MAP3K3: variants seen among roughly 807,000 people sequenced by gnomAD.
The protein encoded by MAP3K3 is mitogen-activated protein kinase kinase kinase 3.
Under a neutral mutation model 80.9 loss-of-function variants are expected in MAP3K3, and 12 were observed. That is an observed-to-expected ratio of 0.15 (90% CI 0.10 to 0.24). The LOEUF (loss-of-function observed/expected upper bound fraction) is 0.24, where lower values mean the gene tolerates loss of function less well. Ranked by LOEUF, MAP3K3 falls within the 10% of genes least tolerant of loss-of-function variation. The pLI is 1.00. For missense variants in MAP3K3, 596 were observed against 834.7 expected (o/e 0.71, Z 3.52); for synonymous variants, 272 against 307.1 (o/e 0.89, Z 1.19).
Position 63,691,236 on chromosome 17 carries a change from A to G in MAP3K3, c.1344+3A>G, listed in dbSNP as rs2035583518. ...TCTTCATGGAGTACATGCCAGGGGT[A>G]CGTGCCCCTTGAATGCATGTGAGAC... is the stretch of plus-strand genomic sequence containing the variant. On this transcript the variant is annotated splice_donor_region_variant and intron_variant, in intron 13 of 15. Coordinates refer to ENST00000361733, the MANE Select transcript of MAP3K3 (RefSeq NM_002401.5). This position sits in a 1 kb window ranked among gnomAD's most constrained non-coding sequence, Gnocchi z 4.8. The G allele has an allele frequency of 1.9e-6, 3 of 1,613,982 alleles. No individual in the cohort carries two copies. The highest frequency in any genetic ancestry group is 2.5e-6 in the Non-Finnish European group (3 of 1,180,024).
At position 63,694,084 on chromosome 17, in the gene MAP3K3, T is replaced by C; in HGVS notation, c.*307T>C. 1 of 314,472 alleles carries C rather than the reference T, an allele frequency of 3.2e-6. No homozygotes were observed. The highest frequency in any genetic ancestry group is 5.9e-6 in the Non-Finnish European group (1 of 170,196). The allele number at this position is 314,472 out of a possible 1,614,324, so 19.5% of individuals were successfully genotyped here. ...GGGCCCCACCCTCGGGGATGTGTCCTGACACTGCAATTGGCACCGAAGCCC... is the reference window on the plus strand; with the variant it reads ...GGGCCCCACCCTCGGGGATGTGTCCCGACACTGCAATTGGCACCGAAGCCC... On this transcript the variant is annotated 3_prime_UTR_variant, in exon 16 of 16. Transcript: ENST00000361733.
chr17:63,626,077 AAAACAAAAAAC>A (rs1365790218), intron 1 of MAP3K3, among the ~76,000 whole-genome samples: 3 of 152,232 alleles, frequency 2.0e-5, no homozygotes, highest in African/African-American at 7.2e-5. Flanking sequence ...CCCTGTCTCT[AAAACAAAAAAC>A]AAACAAAAAA....
In MAP3K3 at chr17:63,691,687, C is replaced by G. The variant is rs1249096953; in HGVS notation, c.1345-46C>G. ...GGGCTGGAATGGGCTTGCCCCTCCACCAGCCCTCCCCTGAGGGGACTCCTC... is the reference window on the plus strand; with the variant it reads ...GGGCTGGAATGGGCTTGCCCCTCCAGCAGCCCTCCCCTGAGGGGACTCCTC... On this transcript the variant is annotated intron_variant, in intron 13 of 15. Transcript: ENST00000361733. This position sits in a 1 kb window ranked among gnomAD's most constrained non-coding sequence, Gnocchi z 4.8. The G allele has an allele frequency of 6.3e-7, 1 of 1,592,930 alleles. No homozygotes were observed. Among genetic ancestry groups the G allele is most frequent in the Admixed American group, 1.7e-5 (1 of 59,094 alleles).
intron 1 of MAP3K3, among the ~76,000 whole-genome samples, chr17:63,622,965 C>T (rs1212496283): frequency 6.8e-6 from 1 of 147,660 alleles, no homozygotes; most frequent in African/African-American, 2.4e-5. Context: ...CGGGGCGGCC[C>T]GGCCGGCAGA....
chr17:63,654,934 C>G (rs1347921646), intron 4 of MAP3K3, among the ~76,000 whole-genome samples: 1 of 151,854 alleles, frequency 6.6e-6, no homozygotes, highest in Non-Finnish European at 1.5e-5. Context: ...TACTCAGGAG[C>G]CTGAGGCAGA....
In MAP3K3 at chr17:63,692,318, C is replaced by G; in HGVS notation, c.1551C>G (p.Ile517Met). 6.2e-7 allele frequency: 1 copy of G among 1,613,980 alleles called. No individual in the cohort carries two copies. The highest frequency in any genetic ancestry group is 8.5e-7 in the Non-Finnish European group (1 of 1,180,018). ...GGGCCAGCAAACGCCTGCAGACGAT[C>G]TGTATGTCGGGGACGGGCATGCGCT... ...DFGASKRLQT[I>M]CMSGTGMRSV... Residue 517 changes from isoleucine (I) to methionine (M), a missense_variant, in exon 15 of 16, where the codon ATC becomes ATG. By Grantham distance (10) the Ile-to-Met change is conservative. Transcript: ENST00000361733. The surrounding 1 kb of genome is among the most constrained non-coding windows in gnomAD (Gnocchi z 4.5).
chr17:63,641,406 C>T (rs1377686056), intron 2 of MAP3K3, among the ~76,000 whole-genome samples: 2 of 151,974 alleles, frequency 1.3e-5, no homozygotes, highest in Non-Finnish European at 2.9e-5. Flanking sequence ...CCACACCCGG[C>T]TAATTTTTGT....
chr17:63,683,629 C>T (rs752713759), intron 7 of MAP3K3, among the ~76,000 whole-genome samples: 1 of 152,140 alleles, frequency 6.6e-6, no homozygotes, highest in Non-Finnish European at 1.5e-5. Flanking sequence ...GCCTCTTTAG[C>T]TGAAGAGAAT....
chr17:63,677,517 A>G (rs1327137269), intron 6 of MAP3K3, among the ~76,000 whole-genome samples: 1 of 152,230 alleles, frequency 6.6e-6, no homozygotes, highest in Non-Finnish European at 1.5e-5. Context: ...TACAGTAGCA[A>G]GGGAAACAGC....
At chr17:63,652,146 C>T (rs2034669000) in intron 3 of MAP3K3, among the ~76,000 whole-genome samples, 1 of 152,114 alleles carries the variant, frequency 6.6e-6, no homozygotes, top group Non-Finnish European at 1.5e-5. Flanking sequence ...ATATATTAAG[C>T]CCAGTATGCA....
intron 4 of MAP3K3, among the ~76,000 whole-genome samples, chr17:63,653,875 T>C (rs939693848): frequency 6.6e-6 from 1 of 152,110 alleles, no homozygotes; most frequent in Non-Finnish European, 1.5e-5. Context: ...AACATTTTCT[T>C]TTTTTTTCTG....
intron 2 of MAP3K3, chr17:63,634,797 T>G (rs754404166): frequency 6.2e-7 from 1 of 1,613,598 alleles, no homozygotes; most frequent in South Asian, 1.1e-5. Context: ...AAAAAGAAAT[T>G]TTTGGTAAGG....
At chr17:63,654,475 C>A (rs922289836) in intron 4 of MAP3K3, among the ~76,000 whole-genome samples, 2 of 151,980 alleles carry the variant, frequency 1.3e-5, no homozygotes, top group African/African-American at 4.8e-5. Flanking sequence ...TATTGATAGA[C>A]ATTTGGGTTG....
At position 63,691,436 on chromosome 17, in the gene MAP3K3, T is replaced by C. The variant is rs2035588816; in HGVS notation, c.1344+203T>C. Among the ~76,000 whole-genome samples, 1 of 152,172 alleles carries C rather than the reference T, an allele frequency of 6.6e-6. No homozygotes were observed. Among genetic ancestry groups the C allele is most frequent in the Admixed American group, 6.5e-5 (1 of 15,280 alleles). On this transcript the variant is annotated intron_variant, in intron 13 of 15. Coordinates refer to ENST00000361733, the MANE Select transcript of MAP3K3 (RefSeq NM_002401.5). This position sits in a 1 kb window ranked among gnomAD's most constrained non-coding sequence, Gnocchi z 4.8. ...TGCAGTGGGAGTATGAGATGACAGCTGTCCTAGGTCCAGCACTCCCCTGAG... is the reference window on the plus strand; with the variant it reads ...TGCAGTGGGAGTATGAGATGACAGCCGTCCTAGGTCCAGCACTCCCCTGAG...
chr17:63,692,152 T>C lies in MAP3K3; in HGVS notation c.1475-90T>C. 1 of 1,472,160 alleles carries C rather than the reference T, an allele frequency of 6.8e-7. No homozygotes were observed. Among genetic ancestry groups the C allele is most frequent in the Admixed American group, 1.8e-5 (1 of 54,338 alleles). 91.2% of individuals were successfully genotyped at this position (1,472,160 alleles called of 1,614,324 possible). ...CTAATTCAGTGGTAGCCCTGCCCTCTCCAGCAGCTCTCAGTGACCCGGGGG... is the reference window on the plus strand; with the variant it reads ...CTAATTCAGTGGTAGCCCTGCCCTCCCCAGCAGCTCTCAGTGACCCGGGGG... On this transcript the variant is annotated intron_variant, in intron 14 of 15. Transcript: ENST00000361733. The surrounding 1 kb of genome is among the most constrained non-coding windows in gnomAD (Gnocchi z 4.5).
chr17:63,682,030 G>C, intron 7 of MAP3K3, 131 bp downstream of exon 7: 1 of 782,972 alleles, frequency 1.3e-6, no homozygotes. Flanking sequence ...TTATAAACCA[G>C]GCCTGCCCAA....
chr17:63,636,785 G>A (rs1053017942), intron 2 of MAP3K3: 3 of 323,558 alleles, frequency 9.3e-6, no homozygotes, highest in East Asian at 7.0e-5. Flanking sequence ...GAGGCAGCCC[G>A]GCTGTGGGAG....
intron 6 of MAP3K3, among the ~76,000 whole-genome samples, chr17:63,669,579 C>T (rs1298807297): frequency 1.3e-5 from 2 of 151,908 alleles, no homozygotes; most frequent in Admixed American, 6.6e-5. Context: ...AGCAATTCTT[C>T]TGCCTCAGCC....
intron 3 of MAP3K3, among the ~76,000 whole-genome samples, chr17:63,647,815 T>C (rs1196560428): frequency 1.3e-5 from 2 of 152,242 alleles, no homozygotes; most frequent in Non-Finnish European, 2.9e-5. Context: ...AATGTCATTA[T>C]GGGCATTTTA....
Sources: allele counts gnomAD v4.1 joint callset (sites outside exome capture counted in the v4.1 genomes callset), GRCh38; gene constraint gnomAD v4.1.1; non-coding constraint Gnocchi (gnomAD v3.1); transcripts MANE v1.5; gene names NCBI Gene and HGNC (gene_info 2026-07-23, HGNC 2026-07-21).